PHF14: variants seen among roughly 807,000 people sequenced by gnomAD.
The protein encoded by PHF14 is PHD finger protein 14.
PHF14 carries 55 observed loss-of-function variants against 117.9 expected under a neutral mutation model. The observed-to-expected ratio is 0.47, with a 90% CI of 0.38 to 0.58. PHF14 has a LOEUF of 0.58. PHF14 is among the 20% of genes least tolerant of loss of function. The probability of loss-of-function intolerance (pLI) is 0.00; values close to 1 mark genes in which losing one functional copy is unlikely to be tolerated. For missense variants in PHF14, 978 were observed against 1,122.2 expected (o/e 0.87, Z 1.84); for synonymous variants, 409 against 368.6 (o/e 1.11, Z -1.26).
Position 11,051,708 on chromosome 7 carries a change from G to A in PHF14, c.2409G>A (p.Gln803=). The change falls in exon 14 of 18, where the codon CAG becomes CAA. Residue 803 remains glutamine (Q), a synonymous_variant. Coordinates refer to ENST00000634607, the MANE Select transcript of PHF14 (RefSeq NM_001007157.2). ...LPDGTKRSRR[Q]IKEPVKFVPQ... is the part of the protein sequence containing the mutation. Reference sequence around the variant, plus strand: ...ATGGAACCAAACGATCAAGGAGGCAGATTAAGGAACCAGTGAAATTTGTTC... The same window carrying A: ...ATGGAACCAAACGATCAAGGAGGCAAATTAAGGAACCAGTGAAATTTGTTC... 1.2e-6 allele frequency: 2 copies of A among 1,613,762 alleles called. No individual in the cohort carries two copies. The highest frequency in any genetic ancestry group is 1.7e-6 in the Non-Finnish European group (2 of 1,179,738).
chr7:11,163,879 G>A (rs1789122343), intron 17 of PHF14, among the ~76,000 whole-genome samples: 1 of 152,116 alleles, frequency 6.6e-6, no homozygotes, highest in South Asian at 2.1e-4. Flanking sequence ...GCCAAGTAGT[G>A]TATCTGTTTT....
intron 17 of PHF14, among the ~76,000 whole-genome samples, chr7:11,120,867 A>C (rs1234492135): frequency 6.6e-6 from 1 of 152,112 alleles, no homozygotes; most frequent in East Asian, 1.9e-4. Flanking sequence ...AAAAGATCTA[A>C]CTCATACGGA....
chr7:11,168,224 A>C (rs530745415), intron 17 of PHF14, among the ~76,000 whole-genome samples: 3 of 152,178 alleles, frequency 2.0e-5, no homozygotes, highest in Admixed American at 6.6e-5. Flanking sequence ...TCAAAACCCC[A>C]TTCCTGGTGT....
At chr7:11,047,728 A>G (rs1015770215) in intron 13 of PHF14, among the ~76,000 whole-genome samples, 7 of 150,240 alleles carry the variant, frequency 4.7e-5, no homozygotes, top group African/African-American at 1.5e-4. Flanking sequence ...TGAGGCTACA[A>G]TGAGCTGAGA....
At chr7:11,148,477 C>T (rs1437590386) in intron 17 of PHF14, among the ~76,000 whole-genome samples, 1 of 152,170 alleles carries the variant, frequency 6.6e-6, no homozygotes, top group Non-Finnish European at 1.5e-5. Flanking sequence ...GCTCAAATGT[C>T]AGCTCTTTTG....
At chr7:11,122,352 T>TATATATATATATACACACAC in intron 17 of PHF14, among the ~76,000 whole-genome samples, 5 of 65,870 alleles carry the variant, frequency 7.6e-5, no homozygotes, top group South Asian at 5.1e-4. Context: ...TATATATATA[T>TATATATATATATACACACAC]ACACACACAC....
intron 4 of PHF14, among the ~76,000 whole-genome samples, chr7:11,010,208 C>T (rs1040787911): frequency 6.6e-6 from 1 of 151,724 alleles, no homozygotes; most frequent in Non-Finnish European, 1.5e-5. Context: ...TTGATGATAC[C>T]GTTTCATTTT....
intron 4 of PHF14, among the ~76,000 whole-genome samples, chr7:11,005,485 T>G (rs1487433839): frequency 6.6e-6 from 1 of 152,220 alleles, no homozygotes. Flanking sequence ...TTCTCTCTCT[T>G]TCTCTCACTG....
rs116115904 is a variant in PHF14, at chr7:11,062,988, A to G, written c.2654+903A>G. 3,193 of 853,108 alleles carry G rather than the reference A, an allele frequency of 3.7e-3. 80 individuals carry two copies. The African/African-American group carries it at 0.055, about 15-fold the overall frequency. The allele number at this position is 853,108 out of a possible 1,614,324, so 52.8% of individuals were successfully genotyped here. A position where few individuals can be genotyped will look rare whatever the true frequency, so the allele number is the denominator to read the frequency against. ...TAAACATTTCAAAAAGAATAAACAT[A>G]TTGATAAAACAAATATATTAGTGTT... On this transcript the variant is annotated intron_variant, in intron 16 of 17. Transcript: ENST00000634607.
chr7:11,104,337 T>C, intron 16 of PHF14: 1 of 977,496 alleles, frequency 1.0e-6, no homozygotes, highest in Non-Finnish European at 1.2e-6. Flanking sequence ...CTGCAAAAAG[T>C]ATAGTTGAAG....
chr7:11,046,482 G>A (rs1158657603), intron 13 of PHF14, among the ~76,000 whole-genome samples: 1 of 152,042 alleles, frequency 6.6e-6, no homozygotes. Context: ...ACCCTTCTAG[G>A]AATAGTTTAC....
chr7:11,122,440 T>TACATATATATATAC (rs1562476591), intron 17 of PHF14, among the ~76,000 whole-genome samples: 15 of 124,708 alleles, frequency 1.2e-4, no homozygotes, highest in African/African-American at 4.3e-4. Context: ...TATATATATA[T>TACATATATATATAC]ACGTATATAT....
At chr7:10,990,244 A>G (rs1782402030) in intron 3 of PHF14, among the ~76,000 whole-genome samples, 1 of 152,104 alleles carries the variant, frequency 6.6e-6, no homozygotes, top group Non-Finnish European at 1.5e-5. Context: ...CCTATTTTGT[A>G]TATGTGCGTC....
At chr7:11,103,911 G>A (rs2128341927) in intron 16 of PHF14, 1 of 981,408 alleles carries the variant, frequency 1.0e-6, no homozygotes, top group South Asian at 4.7e-5. Context: ...AGCAAAACTA[G>A]TAGACTTTTG....
intron 13 of PHF14, among the ~76,000 whole-genome samples, chr7:11,049,474 CA>C (rs11342926): frequency 0.57 from 62,902 of 110,340 alleles, 15,319 homozygotes; most frequent in East Asian, 0.74. Flanking sequence ...GACTGTCTCT[CA>C]AAAAAAAAAA....
chr7:10,975,667 T>A (rs1451903269), intron 2 of PHF14, among the ~76,000 whole-genome samples: 1 of 152,174 alleles, frequency 6.6e-6, no homozygotes, highest in Admixed American at 6.5e-5. Flanking sequence ...AATTTAAATG[T>A]TTTATGGGAA....
chr7:11,149,616 A>G (rs1391802420), intron 17 of PHF14, among the ~76,000 whole-genome samples: 1 of 152,092 alleles, frequency 6.6e-6, no homozygotes, highest in Non-Finnish European at 1.5e-5. Context: ...TCTTCCTAGA[A>G]CTACACTTGG....
chr7:10,992,320 C>T (rs1329465794), intron 4 of PHF14, among the ~76,000 whole-genome samples: 1 of 150,300 alleles, frequency 6.7e-6, no homozygotes, highest in African/African-American at 2.4e-5. Context: ...TCCCAAAGTG[C>T]TGGGATTACA....
intron 8 of PHF14, among the ~76,000 whole-genome samples, chr7:11,036,209 A>G (rs1043352327): frequency 6.6e-6 from 1 of 152,182 alleles, no homozygotes; most frequent in African/African-American, 2.4e-5. Flanking sequence ...ATTATAAGTT[A>G]GGACAGTTGT....
Sources: allele counts gnomAD v4.1 joint callset (sites outside exome capture counted in the v4.1 genomes callset), GRCh38; gene constraint gnomAD v4.1.1; transcripts MANE v1.5; gene names NCBI Gene and HGNC (gene_info 2026-07-23, HGNC 2026-07-21).